Variants in ANK3 observed in about 807,000 individuals in gnomAD.
The protein encoded by ANK3 is ankyrin 3, also known as ankyrin-3.
In ANK3, 57 loss-of-function variants were observed where a neutral mutation model predicts 370.9. The observed-to-expected ratio is 0.15, with a 90% CI of 0.12 to 0.19. The LOEUF (loss-of-function observed/expected upper bound fraction) is 0.19, where lower values mean the gene tolerates loss of function less well. Among genes scored for constraint, ANK3 ranks in the 10% least tolerant of loss-of-function variants. ANK3 has a pLI of 1.00. For missense variants in ANK3, 4,439 were observed against 5,302.1 expected (o/e 0.84, Z 5.06); for synonymous variants, 1,929 against 1,946.3 (o/e 0.99, Z 0.23).
chr10:60,669,412 C>G lies in ANK3; in HGVS notation c.58-54188G>C, dbSNP rs535543208. 2.0e-3 allele frequency among the ~76,000 whole-genome samples: 302 copies of G among 152,288 alleles called. 1 individual carries two copies. The highest frequency in any genetic ancestry group is 6.9e-3 in the African/African-American group (287 of 41,546). ...GGTTTTTTTGCCTTAAGAAACACTCCAACTTTCAGAGGCTTGCACCCTTTA... is the reference window on the plus strand; with the variant it reads ...GGTTTTTTTGCCTTAAGAAACACTCGAACTTTCAGAGGCTTGCACCCTTTA... On this transcript the variant is annotated intron_variant, in intron 1 of 43. Transcript: ENST00000373827.
chr10:60,420,292 G>C (rs190160111), intron 2 of ANK3, among the ~76,000 whole-genome samples: 1 of 152,010 alleles, frequency 6.6e-6, no homozygotes, highest in African/African-American at 2.4e-5. Context: ...CTCCCAAATC[G>C]CTTGTACTAT....
intron 2 of ANK3, among the ~76,000 whole-genome samples, chr10:60,607,397 C>T (rs1340782299): frequency 6.6e-6 from 1 of 152,186 alleles, no homozygotes; most frequent in African/African-American, 2.4e-5. Flanking sequence ...ACACCACATA[C>T]TGCCTCCCTT....
intron 1 of ANK3, among the ~76,000 whole-genome samples, chr10:60,364,612 C>T (rs1305586625): frequency 1.3e-5 from 2 of 151,992 alleles, no homozygotes; most frequent in Admixed American, 1.3e-4. Flanking sequence ...TTGATGGGTG[C>T]ATCAAACTCC....
chr10:60,567,780 T>A (rs2077498579), intron 2 of ANK3, among the ~76,000 whole-genome samples: 1 of 152,178 alleles, frequency 6.6e-6, no homozygotes, highest in African/African-American at 2.4e-5. Context: ...GGTCAAAATA[T>A]CAACATTAAC....
intron 1 of ANK3, among the ~76,000 whole-genome samples, chr10:60,384,022 G>A (rs1163880553): frequency 6.6e-6 from 1 of 152,138 alleles, no homozygotes; most frequent in African/African-American, 2.4e-5. Context: ...AAAGTCCTTT[G>A]ACCCAAGTTC....
intron 2 of ANK3, among the ~76,000 whole-genome samples, chr10:60,612,313 G>T (rs1755424639): frequency 6.6e-6 from 1 of 152,200 alleles, no homozygotes; most frequent in East Asian, 1.9e-4. Flanking sequence ...GGACAGTCAG[G>T]GTTCCAAAGC....
chr10:60,305,988 A>ATTT lies in ANK3; in HGVS notation c.115-26352_115-26350dup, dbSNP rs142632967. On this transcript the variant is annotated intron_variant, in intron 1 of 43. Coordinates refer to ENST00000280772, the MANE Select transcript of ANK3 (RefSeq NM_020987.5). ...AAGGAAAGTCAATATGTAAAAATAC[A>ATTT]TTTTTTTTTCACAGAAAATAAACTG... is the stretch of plus-strand genomic sequence containing the variant. Among the ~76,000 whole-genome samples, 624 of 151,318 alleles carry ATTT rather than the reference A, an allele frequency of 4.1e-3. 2 individuals are homozygous for ATTT. Among genetic ancestry groups the ATTT allele is most frequent in the African/African-American group, 0.015 (600 of 41,176 alleles).
chr10:60,220,805 G>A (rs181674881), intron 8 of ANK3, among the ~76,000 whole-genome samples: 282 of 152,160 alleles, frequency 1.9e-3, no homozygotes, highest in African/African-American at 5.0e-3. Context: ...GCTACATCAC[G>A]GGCCACCAGT....
intron 2 of ANK3, among the ~76,000 whole-genome samples, chr10:60,422,040 T>C (rs1166543260): frequency 1.3e-5 from 2 of 152,102 alleles, no homozygotes; most frequent in African/African-American, 2.4e-5. Flanking sequence ...TCAGATACTA[T>C]AGAGCAGGAA....
intron 23 of ANK3, among the ~76,000 whole-genome samples, chr10:60,165,954 G>A (rs2095613639): frequency 6.6e-6 from 1 of 152,130 alleles, no homozygotes; most frequent in African/African-American, 2.4e-5. Context: ...TTTTAAAGAT[G>A]CCATTCATTG....
intron 1 of ANK3, among the ~76,000 whole-genome samples, chr10:60,623,647 T>C (rs1450728359): frequency 6.6e-6 from 1 of 152,184 alleles, no homozygotes; most frequent in East Asian, 1.9e-4. Context: ...GACTATTCAT[T>C]AGAGAAATTT....
chr10:60,530,578 G>A (rs1043626506), intron 2 of ANK3, among the ~76,000 whole-genome samples: 7 of 152,108 alleles, frequency 4.6e-5, no homozygotes, highest in East Asian at 1.9e-4. Context: ...GAGAGTGGGC[G>A]CCTCTGTAAG....
At chr10:60,383,716 C>T (rs1252180741) in intron 1 of ANK3, among the ~76,000 whole-genome samples, 1 of 150,686 alleles carries the variant, frequency 6.6e-6, no homozygotes, top group African/African-American at 2.4e-5. Context: ...CAGCAGGGAA[C>T]AGAGCAAGTT....
chr10:60,138,005 A>G (rs572407908), intron 24 of ANK3, among the ~76,000 whole-genome samples: 1 of 152,238 alleles, frequency 6.6e-6, no homozygotes, highest in Admixed American at 6.5e-5. Flanking sequence ...GGCCTTTTAT[A>G]AATGTATTTA....
At chr10:60,616,553 T>C (rs1376529574) in intron 1 of ANK3, among the ~76,000 whole-genome samples, 1 of 152,174 alleles carries the variant, frequency 6.6e-6, no homozygotes, top group Non-Finnish European at 1.5e-5. Context: ...GATAGTTGCA[T>C]CCTAATCTAC....
intron 36 of ANK3, among the ~76,000 whole-genome samples, chr10:60,080,205 A>G (rs145344374): frequency 4.6e-5 from 7 of 152,154 alleles, no homozygotes; most frequent in Admixed American, 1.3e-4. Context: ...AATTTTTTTC[A>G]TCTGAGCATA....
At chr10:60,479,188 C>A (rs918558610) in intron 2 of ANK3, among the ~76,000 whole-genome samples, 1 of 152,090 alleles carries the variant, frequency 6.6e-6, no homozygotes, top group African/African-American at 2.4e-5. Context: ...AAAAAGCGTA[C>A]TGTCATGCAC....
intron 9 of ANK3, among the ~76,000 whole-genome samples, chr10:60,211,112 G>T (rs766967503): frequency 6.6e-6 from 1 of 152,200 alleles, no homozygotes; most frequent in Non-Finnish European, 1.5e-5. Context: ...CTGTGGAAGC[G>T]TAGTACCTCA....
At chr10:60,458,147 T>C (rs1160655772) in intron 2 of ANK3, among the ~76,000 whole-genome samples, 2 of 152,142 alleles carry the variant, frequency 1.3e-5, no homozygotes, top group Admixed American at 6.6e-5. Context: ...GAAGTTGTGA[T>C]GTTTTGTGCA....
Sources: allele counts gnomAD v4.1 joint callset (sites outside exome capture counted in the v4.1 genomes callset), GRCh38; gene constraint gnomAD v4.1.1; transcripts MANE v1.5; gene names NCBI Gene and HGNC (gene_info 2026-07-23, HGNC 2026-07-21).